Variants in ULK4 observed in about 807,000 individuals in gnomAD.
ULK4 encodes the protein unc-51 like kinase 4.
A neutral mutation model predicts 160.6 loss-of-function variants in ULK4; 133 were observed. The observed-to-expected ratio is 0.83, with a 90% CI of 0.72 to 0.96. The LOEUF (loss-of-function observed/expected upper bound fraction) is 0.96. Among genes scored for constraint, ULK4 ranks in the 40% least tolerant of loss-of-function variants. ULK4 has a pLI of 0.00. For missense variants in ULK4, 1,580 were observed against 1,499.5 expected, an observed-to-expected ratio of 1.05 and a Z score of -0.89; for synonymous variants, 534 against 539.8, an observed-to-expected ratio of 0.99 and a Z score of 0.15.
intron 35 of ULK4, among the ~76,000 whole-genome samples, chr3:41,366,501 A>G (rs2081256577): frequency 6.6e-6 from 1 of 151,930 alleles, no homozygotes; most frequent in Non-Finnish European, 1.5e-5. Flanking sequence ...AGTTCAATTG[A>G]TTCTACAAAT....
chr3:41,841,847 C>T (rs948906901), intron 17 of ULK4, among the ~76,000 whole-genome samples: 8 of 152,136 alleles, frequency 5.3e-5, no homozygotes, highest in Non-Finnish European at 7.3e-5. Flanking sequence ...CCCCCAACCC[C>T]GTGCTCTCTG....
intron 19 of ULK4, among the ~76,000 whole-genome samples, chr3:41,802,199 A>T (rs148923079): frequency 6.6e-6 from 1 of 152,330 alleles, no homozygotes; most frequent in East Asian, 1.9e-4. Flanking sequence ...AAGAAAATTA[A>T]ATCTATACAA....
chr3:41,469,655 TCTC>T (rs1344802962), intron 32 of ULK4, among the ~76,000 whole-genome samples: 1 of 109,254 alleles, frequency 9.2e-6, no homozygotes, highest in Non-Finnish European at 2.0e-5. Flanking sequence ...AAGATGGCTA[TCTC>T]CTCAACTGCA....
At chr3:41,782,208 G>A (rs2039865970) in intron 21 of ULK4, among the ~76,000 whole-genome samples, 1 of 151,122 alleles carries the variant, frequency 6.6e-6, no homozygotes, top group Non-Finnish European at 1.5e-5. Context: ...GGACTATCTG[G>A]CATGCCTATT....
At chr3:41,606,842 C>T (rs58869479) in intron 31 of ULK4, among the ~76,000 whole-genome samples, 9,325 of 151,930 alleles carry the variant, frequency 0.061, 972 homozygotes, top group African/African-American at 0.21. Flanking sequence ...TTGAGTTCCT[C>T]GTACATTCTG....
chr3:41,776,506 A>G (rs58670082), intron 21 of ULK4, among the ~76,000 whole-genome samples: 2,512 of 151,088 alleles, frequency 0.017, 268 homozygotes, highest in African/African-American at 0.059. Flanking sequence ...ACTACAAAGT[A>G]CTAATTTCAA....
At chr3:41,372,451 C>A (rs565648108) in intron 35 of ULK4, among the ~76,000 whole-genome samples, 1 of 152,288 alleles carries the variant, frequency 6.6e-6, no homozygotes, top group East Asian at 1.9e-4. Flanking sequence ...GATATCTCTG[C>A]AGAAACCCTA....
At chr3:41,743,459 A>G (rs2038308447) in intron 22 of ULK4, among the ~76,000 whole-genome samples, 1 of 151,908 alleles carries the variant, frequency 6.6e-6, no homozygotes, top group Non-Finnish European at 1.5e-5. Flanking sequence ...AAAAATGTCT[A>G]AAGAAAGTTC....
At chr3:41,774,012 T>C (rs1352286787) in intron 21 of ULK4, among the ~76,000 whole-genome samples, 1 of 152,170 alleles carries the variant, frequency 6.6e-6, no homozygotes. Context: ...GAAAACTGGC[T>C]AGCCATATGT....
chr3:41,247,416 A>T (rs1340789610), intron 36 of ULK4, among the ~76,000 whole-genome samples: 1 of 152,158 alleles, frequency 6.6e-6, no homozygotes, highest in Non-Finnish European at 1.5e-5. Context: ...TCTTACTCTT[A>T]TAGGTGTGGA....
At chr3:41,661,531 AATAGATAG>A in intron 30 of ULK4, among the ~76,000 whole-genome samples, 1 of 148,492 alleles carries the variant, frequency 6.7e-6, no homozygotes, top group African/African-American at 2.6e-5. Flanking sequence ...TAGATAGATA[AATAGATAG>A]ATAAATAGAT....
At chr3:41,505,126 A>T (rs2085333428) in intron 32 of ULK4, among the ~76,000 whole-genome samples, 1 of 152,166 alleles carries the variant, frequency 6.6e-6, no homozygotes, top group African/African-American at 2.4e-5. Context: ...ATAAACAGAC[A>T]TTTTCAGAGA....
At chr3:41,381,875 G>T (rs2081660766) in intron 35 of ULK4, among the ~76,000 whole-genome samples, 1 of 152,010 alleles carries the variant, frequency 6.6e-6, no homozygotes, top group African/African-American at 2.4e-5. Context: ...ACCCTTCCCT[G>T]TTGTCTCCCT....
At chr3:41,800,448 T>C (rs181079314) in intron 19 of ULK4, among the ~76,000 whole-genome samples, 155 bp from the exon 20 acceptor site, 1 of 152,316 alleles carries the variant, frequency 6.6e-6, no homozygotes, top group East Asian at 1.9e-4. Context: ...TTCAGGTCAT[T>C]ATGAAACTAT....
At chr3:41,888,053 G>C (rs906442836) in intron 16 of ULK4, among the ~76,000 whole-genome samples, 1 of 151,872 alleles carries the variant, frequency 6.6e-6, no homozygotes, top group East Asian at 1.9e-4. Flanking sequence ...ACATGCACCT[G>C]TAGTCCCATT....
At chr3:41,774,887 G>A (rs939142047) in intron 21 of ULK4, among the ~76,000 whole-genome samples, 1 of 150,474 alleles carries the variant, frequency 6.6e-6, no homozygotes, top group African/African-American at 2.5e-5. Context: ...GGAATACTAT[G>A]CAGCCATAAA....
intron 18 of ULK4, among the ~76,000 whole-genome samples, chr3:41,821,062 T>C (rs1012151651): frequency 6.6e-6 from 1 of 152,182 alleles, no homozygotes; most frequent in Non-Finnish European, 1.5e-5. Flanking sequence ...GCCCTCTCCC[T>C]TGGCCCTTCT....
chr3:41,900,199 C>T (rs1698300789), intron 13 of ULK4, among the ~76,000 whole-genome samples: 1 of 151,088 alleles, frequency 6.6e-6, no homozygotes, highest in African/African-American at 2.5e-5. Context: ...ACATTGTGAA[C>T]TACAACTTCG....
intron 35 of ULK4, among the ~76,000 whole-genome samples, chr3:41,353,139 GA>G (rs2080945456): frequency 6.6e-6 from 1 of 152,184 alleles, no homozygotes; most frequent in Non-Finnish European, 1.5e-5. Context: ...CTACTATGTA[GA>G]AATGTTAAGC....
Sources: gnomAD v4.1 joint callset for allele counts (sites outside exome capture counted in the v4.1 genomes callset) on GRCh38, gnomAD v4.1.1 for gene constraint, MANE v1.5 for transcripts, NCBI Gene and HGNC (gene_info 2026-07-23, HGNC 2026-07-21) for gene names.